RGS7: variants seen among roughly 807,000 people sequenced by gnomAD.
RGS7 encodes the protein regulator of G-protein signaling 7.
In RGS7, 27 loss-of-function variants were observed where a neutral mutation model predicts 81.1. The ratio of observed to expected loss-of-function variants is 0.33; its 90% confidence interval spans 0.25 to 0.46. RGS7 has a LOEUF of 0.46. RGS7 is among the 20% of genes least tolerant of loss of function. The pLI, the probability that RGS7 is intolerant of heterozygous loss-of-function variation, is 1.00. For missense variants in RGS7, 396 were observed against 607.4 expected (o/e 0.65, Z 3.66); for synonymous variants, 208 against 207.7 (o/e 1.00, Z -0.01).
intron 9 of RGS7, among the ~76,000 whole-genome samples, chr1:240,827,471 C>T (rs779544247): frequency 4.6e-5 from 7 of 152,148 alleles, no homozygotes; most frequent in Non-Finnish European, 7.4e-5. Context: ...ATACGTATAG[C>T]GACAAACCCG....
At chr1:241,185,591 T>C (rs753417765) in intron 2 of RGS7, among the ~76,000 whole-genome samples, 6 of 152,172 alleles carry the variant, frequency 3.9e-5, no homozygotes, top group Non-Finnish European at 7.4e-5. Context: ...TATTCTGAGC[T>C]ATAAAACAAA....
chr1:241,212,809 G>A (rs375536429), intron 2 of RGS7, among the ~76,000 whole-genome samples: 1 of 152,166 alleles, frequency 6.6e-6, no homozygotes, highest in Non-Finnish European at 1.5e-5. Flanking sequence ...CGTTGTTGTA[G>A]GACAGCTTTG....
intron 6 of RGS7, among the ~76,000 whole-genome samples, chr1:240,880,806 G>C (rs992078628): frequency 6.6e-6 from 1 of 152,108 alleles, no homozygotes; most frequent in African/African-American, 2.4e-5. Context: ...AAATTTTATT[G>C]ATTCCAGAAA....
At chr1:241,002,417 C>G (rs975289324) in intron 3 of RGS7, among the ~76,000 whole-genome samples, 1 of 150,030 alleles carries the variant, frequency 6.7e-6, no homozygotes, top group Non-Finnish European at 1.5e-5. Context: ...CGAGCCTTTG[C>G]ACTCCAGCCT....
At chr1:241,232,387 T>G (rs983435016) in intron 2 of RGS7, among the ~76,000 whole-genome samples, 1 of 151,940 alleles carries the variant, frequency 6.6e-6, no homozygotes. Flanking sequence ...TATTTTTTTT[T>G]GGAGAGAAGG....
intron 18 of RGS7, 147 bp from the exon 19 acceptor site, chr1:240,776,360 T>C: frequency 1.5e-6 from 1 of 678,448 alleles, no homozygotes; most frequent in South Asian, 1.5e-5. Context: ...TCAAACCTCA[T>C]GACCAACCTG....
chr1:241,188,253 A>G (rs1000072107), intron 2 of RGS7, among the ~76,000 whole-genome samples: 1 of 151,684 alleles, frequency 6.6e-6, no homozygotes, highest in Non-Finnish European at 1.5e-5. Flanking sequence ...AGAGTTTTAT[A>G]TAACTTCTAT....
chr1:240,779,336 A>G (rs1172825208), intron 18 of RGS7, among the ~76,000 whole-genome samples: 1 of 152,020 alleles, frequency 6.6e-6, no homozygotes, highest in Non-Finnish European at 1.5e-5. Context: ...TTGTACTTTT[A>G]GTAGGGCCAG....
At chr1:241,263,426 C>T (rs1185422124) in intron 2 of RGS7, among the ~76,000 whole-genome samples, 6 of 152,190 alleles carry the variant, frequency 3.9e-5, no homozygotes, top group Admixed American at 3.9e-4. Flanking sequence ...TTTTGAACTG[C>T]AGTCGCTCCA....
chr1:241,221,009 G>GAGAGAGA (rs1467688499), intron 2 of RGS7, among the ~76,000 whole-genome samples: 2 of 39,444 alleles, frequency 5.1e-5, no homozygotes, highest in Admixed American at 4.2e-4. Context: ...GAGAGAGAAA[G>GAGAGAGA]GAAGGAAGGA....
chr1:240,971,343 C>T (rs1173823132), intron 4 of RGS7, among the ~76,000 whole-genome samples: 2 of 152,184 alleles, frequency 1.3e-5, no homozygotes, highest in Non-Finnish European at 2.9e-5. Context: ...TCTGTTATAG[C>T]ACCCTGAATG....
chr1:240,977,433 C>T (rs925745682), intron 4 of RGS7, among the ~76,000 whole-genome samples: 3 of 152,156 alleles, frequency 2.0e-5, no homozygotes, highest in South Asian at 2.1e-4. Flanking sequence ...AACACACACA[C>T]GTAAATACAT....
At position 240,915,474 on chromosome 1, in the gene RGS7, T is replaced by C. The variant is rs182575204; in HGVS notation, c.385+15243A>G. Among the ~76,000 whole-genome samples the C allele has an allele frequency of 3.8e-3, 577 of 152,240 alleles. 6 individuals are homozygous for C. The highest frequency in any genetic ancestry group is 0.014 in the African/African-American group (564 of 41,554). On this transcript the variant is annotated intron_variant, in intron 6 of 18. Transcript: ENST00000440928. ...GATGAACGCAACGGAAAGAACTGTATGACCCATGCCTTATTTAAGAAGAAG... is the reference window on the plus strand; with the variant it reads ...GATGAACGCAACGGAAAGAACTGTACGACCCATGCCTTATTTAAGAAGAAG...
At chr1:241,097,896 A>G (rs2064394286) in intron 3 of RGS7, among the ~76,000 whole-genome samples, 2 of 152,160 alleles carry the variant, frequency 1.3e-5, no homozygotes, top group African/African-American at 4.8e-5. Flanking sequence ...CAAAAAAATG[A>G]AATCCATTGG....
chr1:241,338,176 C>G (rs1377019988), intron 2 of RGS7, among the ~76,000 whole-genome samples: 13 of 152,066 alleles, frequency 8.5e-5, no homozygotes, highest in Admixed American at 6.6e-5. Flanking sequence ...CTGTTAAAAT[C>G]CAACTCAGGA....
chr1:241,241,690 C>T (rs1267258312), intron 2 of RGS7, among the ~76,000 whole-genome samples: 4 of 151,982 alleles, frequency 2.6e-5, no homozygotes, highest in African/African-American at 9.7e-5. Flanking sequence ...TGGGAGATCC[C>T]GACACTCCCA....
At chr1:241,002,360 T>C (rs1414923047) in intron 3 of RGS7, among the ~76,000 whole-genome samples, 3 of 150,518 alleles carry the variant, frequency 2.0e-5, no homozygotes, top group African/African-American at 4.9e-5. Context: ...GGCTGAGGCA[T>C]GGGAATGGCT....
At chr1:241,242,175 C>A (rs1385481072) in intron 2 of RGS7, among the ~76,000 whole-genome samples, 2 of 152,046 alleles carry the variant, frequency 1.3e-5, no homozygotes, top group Non-Finnish European at 2.9e-5. Context: ...TAGCTTAGCT[C>A]CCACTTATAA....
At chr1:241,270,821 C>T (rs2077848965) in intron 2 of RGS7, among the ~76,000 whole-genome samples, 1 of 150,662 alleles carries the variant, frequency 6.6e-6, no homozygotes, top group Non-Finnish European at 1.5e-5. Context: ...CCAGTTGGCG[C>T]CATCTTGGTT....
Sources: allele counts gnomAD v4.1 joint callset (sites outside exome capture counted in the v4.1 genomes callset), GRCh38; gene constraint gnomAD v4.1.1; transcripts MANE v1.5; gene names NCBI Gene and HGNC (gene_info 2026-07-23, HGNC 2026-07-21).